The following ZDHHC7 variants were observed in gnomAD, a reference collection of about 807,000 sequenced individuals.
ZDHHC7 encodes the protein zDHHC palmitoyltransferase 7.
In ZDHHC7, 12 loss-of-function variants were observed where a neutral mutation model predicts 34.1. That is an observed-to-expected ratio of 0.35 (90% confidence interval 0.23 to 0.57). ZDHHC7 has a LOEUF of 0.57. Among genes scored for constraint, ZDHHC7 ranks in the 20% least tolerant of loss-of-function variants. ZDHHC7 has a pLI of 0.84. For missense variants in ZDHHC7, 388 were observed against 402.7 expected (o/e 0.96, Z 0.31); for synonymous variants, 185 against 155.4 (o/e 1.19, Z -1.42).
chr16:85,015,290 G>A (rs1347871303), upstream of ZDHHC7, among the ~76,000 whole-genome samples: 3 of 151,848 alleles, frequency 2.0e-5, no homozygotes, highest in Admixed American at 2.0e-4. Context: ...TAGTAGAGAC[G>A]AGGTTTCATC....
chr16:85,003,837 C>T (rs2072682623), intron 1 of ZDHHC7, among the ~76,000 whole-genome samples: 1 of 152,090 alleles, frequency 6.6e-6, no homozygotes, highest in African/African-American at 2.4e-5. Context: ...GAGGGAACAC[C>T]AGTCTCAGGA....
At chr16:85,021,047 G>T in the ZDHHC7 span, among the ~76,000 whole-genome samples, 7 of 151,846 alleles carry the variant, frequency 4.6e-5, no homozygotes, top group African/African-American at 1.7e-4. Flanking sequence ...CAAGGCTGCA[G>T]TAAGCCGTGA....
At chr16:85,014,112 A>G (rs1597572980), upstream of ZDHHC7, among the ~76,000 whole-genome samples, 1 of 152,356 alleles carries the variant, frequency 6.6e-6, no homozygotes, top group Non-Finnish European at 1.5e-5. Flanking sequence ...TTCTCAAAAA[A>G]TGAGGAGTGG....
rs761672776 is a variant in ZDHHC7, at chr16:84,977,949, G to A, written c.594C>T (p.Ile198=). The change falls in exon 6 of 8, where the codon ATC becomes ATT. Residue 198 remains isoleucine (I), a synonymous_variant. Coordinates refer to ENST00000313732, the MANE Select transcript of ZDHHC7 (RefSeq NM_017740.3). ...HALILCGFQF[I]SCVRGQWTEC... ...CAGTCCACTGCCCTCGGACACAGGAGATGAACTGAAATCCACAAAGGATCA... is the reference window on the plus strand; with the variant it reads ...CAGTCCACTGCCCTCGGACACAGGAAATGAACTGAAATCCACAAAGGATCA... 1.9e-6 allele frequency: 3 copies of A among 1,614,104 alleles called. No homozygotes were observed. Among genetic ancestry groups the A allele is most frequent in the Non-Finnish European group, 2.5e-6 (3 of 1,179,958 alleles).
intron 3 of ZDHHC7, among the ~76,000 whole-genome samples, chr16:84,985,952 CAAAAAAAAAAA>C (rs58315276): frequency 7.4e-5 from 4 of 54,028 alleles, no homozygotes; most frequent in Non-Finnish European, 1.4e-4. Flanking sequence ...GAGACTGTCT[CAAAAAAAAAAA>C]AAAAAAAAAA....
chr16:84,994,130 G>C (rs1050962188), intron 2 of ZDHHC7, among the ~76,000 whole-genome samples: 1 of 152,194 alleles, frequency 6.6e-6, no homozygotes, highest in African/African-American at 2.4e-5. Context: ...TTGCAGGTCC[G>C]ACCTCCCGGC....
intron 3 of ZDHHC7, among the ~76,000 whole-genome samples, chr16:84,983,851 T>A (rs1408137272): frequency 6.6e-6 from 1 of 151,100 alleles, no homozygotes; most frequent in African/African-American, 2.4e-5. Flanking sequence ...AATACAAAAA[T>A]TAGCTGGGCG....
intron 4 of ZDHHC7, among the ~76,000 whole-genome samples, chr16:84,979,945 TCAC>T (rs1272892774): frequency 7.1e-6 from 1 of 139,950 alleles, no homozygotes; most frequent in Admixed American, 7.8e-5. Context: ...TATCATAGCG[TCAC>T]CTTTTTTTTT....
chr16:85,022,909 G>T, the ZDHHC7 span, among the ~76,000 whole-genome samples: 1 of 152,142 alleles, frequency 6.6e-6, no homozygotes, highest in South Asian at 2.1e-4. Flanking sequence ...GGAACAACTG[G>T]CCTGCACTCT....
intron 3 of ZDHHC7, among the ~76,000 whole-genome samples, chr16:84,984,634 T>C (rs185261398): frequency 5.3e-5 from 8 of 152,230 alleles, no homozygotes; most frequent in East Asian, 1.9e-4. Context: ...CAAGTACACA[T>C]TGGGTGATCC....
intron 3 of ZDHHC7, among the ~76,000 whole-genome samples, chr16:84,986,428 C>T (rs1199286286): frequency 6.6e-6 from 1 of 152,184 alleles, no homozygotes; most frequent in Non-Finnish European, 1.5e-5. Flanking sequence ...ACAGCAGTCG[C>T]GGCCCCATGA....
chr16:84,995,441 C>G (rs912049616), intron 2 of ZDHHC7, among the ~76,000 whole-genome samples: 1 of 152,178 alleles, frequency 6.6e-6, no homozygotes, highest in Non-Finnish European at 1.5e-5. Context: ...GCCTGGCCAA[C>G]ATGGTGAAAC....
At chr16:84,999,497 T>C (rs1006448278) in intron 1 of ZDHHC7, among the ~76,000 whole-genome samples, 2 of 152,008 alleles carry the variant, frequency 1.3e-5, no homozygotes, top group Non-Finnish European at 2.9e-5. Flanking sequence ...ATAACAAACA[T>C]TGGTGTATTC....
At chr16:85,009,811 T>G (rs771168171) in intron 1 of ZDHHC7, among the ~76,000 whole-genome samples, 5 of 150,596 alleles carry the variant, frequency 3.3e-5, no homozygotes, top group Non-Finnish European at 7.4e-5. Context: ...CGGGTTCACG[T>G]GATTCTCTTG....
At chr16:84,993,864 C>T (rs1023544431) in intron 2 of ZDHHC7, among the ~76,000 whole-genome samples, 1 of 152,204 alleles carries the variant, frequency 6.6e-6, no homozygotes, top group Admixed American at 6.5e-5. Flanking sequence ...CAGGGCCTAA[C>T]TTTTCTCTCT....
chr16:84,985,058 A>G (rs1314290254), intron 3 of ZDHHC7, among the ~76,000 whole-genome samples: 1 of 152,198 alleles, frequency 6.6e-6, no homozygotes, highest in South Asian at 2.1e-4. Flanking sequence ...GTTTTTTTCT[A>G]AAACACTTCT....
chr16:84,982,388 T>G (rs1676689382), intron 3 of ZDHHC7, among the ~76,000 whole-genome samples: 1 of 150,686 alleles, frequency 6.6e-6, no homozygotes, highest in African/African-American at 2.4e-5. Flanking sequence ...CATCAAACAA[T>G]TAAAAAAAAC....
At chr16:85,014,561 A>C (rs1274578349), upstream of ZDHHC7, among the ~76,000 whole-genome samples, 1 of 152,230 alleles carries the variant, frequency 6.6e-6, no homozygotes, top group African/African-American at 2.4e-5. Context: ...AGTCAACTAC[A>C]GAACAAGAAC....
chr16:85,022,214 GT>G, the ZDHHC7 span, among the ~76,000 whole-genome samples: 1 of 150,318 alleles, frequency 6.7e-6, no homozygotes, highest in Non-Finnish European at 1.5e-5. Flanking sequence ...ATAAATGTAG[GT>G]GGAGCAATAG....
Sources: gnomAD v4.1 joint callset for allele counts (sites outside exome capture counted in the v4.1 genomes callset) on GRCh38, gnomAD v4.1.1 for gene constraint, MANE v1.5 for transcripts, NCBI Gene and HGNC (gene_info 2026-07-23, HGNC 2026-07-21) for gene names.